Variants in ABHD17C observed in about 807,000 individuals in gnomAD.
ABHD17C encodes abhydrolase domain containing 17C, depalmitoylase, also known as alpha/beta hydrolase domain-containing protein 17C.
In ABHD17C, 11 loss-of-function variants were observed where a neutral mutation model predicts 27.9. The observed-to-expected ratio is 0.39, with a 90% CI of 0.25 to 0.65. The LOEUF (loss-of-function observed/expected upper bound fraction) is 0.65. ABHD17C is among the 30% of genes least tolerant of loss of function. ABHD17C has a pLI of 0.45. For missense variants in ABHD17C, 280 were observed against 470.2 expected, an observed-to-expected ratio of 0.60 and a Z score of 3.74; for synonymous variants, 233 against 209.1, an observed-to-expected ratio of 1.11 and a Z score of -0.98.
At chr15:80,726,424 G>T (rs151321874) in intron 1 of ABHD17C, among the ~76,000 whole-genome samples, 55 of 148,718 alleles carry the variant, frequency 3.7e-4, no homozygotes, top group African/African-American at 1.3e-3. Context: ...GTTTAGAAAA[G>T]ATTTTTCTGC....
intron 1 of ABHD17C, among the ~76,000 whole-genome samples, chr15:80,722,634 A>G (rs1894913203): frequency 6.6e-6 from 1 of 151,836 alleles, no homozygotes; most frequent in Admixed American, 6.6e-5. Flanking sequence ...AGTATTGTTA[A>G]TCATATGCTC....
At chr15:80,718,863 ATAACTTTGTG>A (rs1894847448) in intron 1 of ABHD17C, among the ~76,000 whole-genome samples, 1 of 152,228 alleles carries the variant, frequency 6.6e-6, no homozygotes. Context: ...GAGAGAGATA[ATAACTTTGTG>A]TAACTTTGTC....
intron 1 of ABHD17C, among the ~76,000 whole-genome samples, chr15:80,735,289 C>CA (rs770963382): frequency 2.0e-5 from 3 of 152,146 alleles, no homozygotes; most frequent in Non-Finnish European, 4.4e-5. Context: ...CCTACTGAAA[C>CA]AGACAAAAAT....
At chr15:80,696,144 G>A (rs981200739) in intron 1 of ABHD17C, 125 bp downstream of exon 1, 2 of 1,024,378 alleles carry the variant, frequency 2.0e-6, no homozygotes, top group Admixed American at 5.6e-5. Context: ...GGCCAGCGGA[G>A]AGCCCCTTGG....
intron 1 of ABHD17C, among the ~76,000 whole-genome samples, chr15:80,715,136 C>T (rs369216742): frequency 6.2e-4 from 94 of 152,320 alleles, no homozygotes; most frequent in African/African-American, 2.2e-3. Flanking sequence ...GGTTCCCCCC[C>T]ATGGAATTCT....
intron 1 of ABHD17C, among the ~76,000 whole-genome samples, chr15:80,740,968 G>A (rs951716861): frequency 2.0e-5 from 3 of 152,188 alleles, no homozygotes; most frequent in African/African-American, 4.8e-5. Flanking sequence ...ATGAAAACAC[G>A]TGTTTAGTGG....
At position 80,733,965 on chromosome 15, in the gene ABHD17C, T is replaced by C. The variant is rs1895090779; in HGVS notation, c.591-15548T>C. On this transcript the variant is annotated intron_variant, in intron 1 of 2. Coordinates refer to ENST00000258884, the MANE Select transcript of ABHD17C (RefSeq NM_021214.2). ...GGAATGGTGAATTTTATTTTATTAT[T>C]TATTTATTTATTTATTTATTTATTT... is the stretch of plus-strand genomic sequence containing the variant. 3.6e-3 allele frequency among the ~76,000 whole-genome samples: 4 copies of C among 1,098 alleles called. No individual in the cohort carries two copies. The Admixed American group carries it at 0.049, about 13-fold the overall frequency. The allele number at this position is 1,098 out of a possible 152,430, so 0.7% of individuals were successfully genotyped here.
intron 1 of ABHD17C, among the ~76,000 whole-genome samples, chr15:80,739,273 C>G (rs1480716083): frequency 6.6e-6 from 1 of 152,246 alleles, no homozygotes; most frequent in Non-Finnish European, 1.5e-5. Flanking sequence ...TGTGAGCTCT[C>G]TTTCATCCTG....
chr15:80,718,178 A>G (rs1233022794), intron 1 of ABHD17C, among the ~76,000 whole-genome samples: 1 of 152,300 alleles, frequency 6.6e-6, no homozygotes, highest in South Asian at 2.1e-4. Flanking sequence ...CTTTTGATCA[A>G]TTATAAGATC....
chr15:80,728,742 A>G (rs1037979242), intron 1 of ABHD17C, among the ~76,000 whole-genome samples: 2 of 152,184 alleles, frequency 1.3e-5, no homozygotes, highest in African/African-American at 4.8e-5. Context: ...TCTCCTCCCA[A>G]GTAGTCAAAT....
intron 1 of ABHD17C, among the ~76,000 whole-genome samples, chr15:80,724,297 C>T (rs6495522): frequency 0.3 from 45,963 of 151,984 alleles, 8,648 homozygotes; most frequent in East Asian, 0.62. Flanking sequence ...CACTGCACTC[C>T]AGCCTGGGCA....
intron 1 of ABHD17C, among the ~76,000 whole-genome samples, chr15:80,708,564 G>A (rs937026457): frequency 1.3e-5 from 2 of 152,110 alleles, no homozygotes; most frequent in East Asian, 1.9e-4. Context: ...CAATCCTCCC[G>A]CCTCAGCCTC....
chr15:80,729,003 AAGC>A (rs1261387178), intron 1 of ABHD17C, among the ~76,000 whole-genome samples: 3 of 152,242 alleles, frequency 2.0e-5, no homozygotes, highest in Non-Finnish European at 4.4e-5. Flanking sequence ...AAGACTTTAA[AAGC>A]AGCCATTCTT....
chr15:80,716,982 T>C (rs896206147), intron 1 of ABHD17C, among the ~76,000 whole-genome samples: 5 of 152,206 alleles, frequency 3.3e-5, no homozygotes, highest in Admixed American at 1.3e-4. Context: ...CGCCAGTTAA[T>C]GAGGCTTAAA....
chr15:80,698,116 G>A lies in ABHD17C; in HGVS notation c.590+2097G>A, dbSNP rs942669741. On this transcript the variant is annotated intron_variant, in intron 1 of 2. Transcript: ENST00000258884. Reference sequence around the variant, plus strand: ...GTCTTGCTCTGTCGCCCAGGCTGGAGTGCAGTGGCGCCATCTTGGCTCACT... The same window carrying A: ...GTCTTGCTCTGTCGCCCAGGCTGGAATGCAGTGGCGCCATCTTGGCTCACT... 2.7e-5 allele frequency among the ~76,000 whole-genome samples: 4 copies of A among 146,746 alleles called. No individual in the cohort carries two copies. In the Admixed American group the frequency reaches 2.8e-4, roughly 10 times the overall value.
At chr15:80,713,624 A>G (rs887388776) in intron 1 of ABHD17C, among the ~76,000 whole-genome samples, 7 of 151,812 alleles carry the variant, frequency 4.6e-5, no homozygotes, top group Non-Finnish European at 7.4e-5. Flanking sequence ...CCTGGCCAAC[A>G]TAGTGAAACT....
rs1300324609 is a variant in ABHD17C at position 80,705,366 on chromosome 15, T to TGTGTGTGTGTGTGTGTGTGTGG, written c.590+9348_590+9349insTGTGTGTGTGTGTGTGTGTGGG. 4.1e-3 allele frequency among the ~76,000 whole-genome samples: 619 copies of TGTGTGTGTGTGTGTGTGTGTGG among 150,700 alleles called. 1 individual carries two copies. Among genetic ancestry groups the TGTGTGTGTGTGTGTGTGTGTGG allele is most frequent in the Non-Finnish European group, 6.7e-3 (449 of 67,498 alleles). Reference sequence around the variant, plus strand: ...GTGTGTGTGTGTGTGTGTGTGTGTGTGGTTAGGAGCATATATTTTAGAGTT... The same window carrying TGTGTGTGTGTGTGTGTGTGTGG: ...GTGTGTGTGTGTGTGTGTGTGTGTGTGTGTGTGTGTGTGTGTGTGTGGGGTTAGGAGCATATATTTTAGAGTT... On this transcript the variant is annotated intron_variant, in intron 1 of 2. Coordinates refer to ENST00000258884, the MANE Select transcript of ABHD17C (RefSeq NM_021214.2).
At chr15:80,733,892 G>C (rs1895089546) in intron 1 of ABHD17C, among the ~76,000 whole-genome samples, 1 of 151,872 alleles carries the variant, frequency 6.6e-6, no homozygotes. Context: ...CCCCAACAGA[G>C]AATTCATGAA....
chr15:80,709,458 C>T (rs1894698572), intron 1 of ABHD17C, among the ~76,000 whole-genome samples: 2 of 149,206 alleles, frequency 1.3e-5, no homozygotes, highest in South Asian at 4.2e-4. Context: ...CACTGCACTT[C>T]AGCCTGGGCA....
Sources: allele counts gnomAD v4.1 joint callset (sites outside exome capture counted in the v4.1 genomes callset), GRCh38; gene constraint gnomAD v4.1.1; transcripts MANE v1.5; gene names NCBI Gene and HGNC (gene_info 2026-07-23, HGNC 2026-07-21).